CIRBP: variants seen among roughly 807,000 people sequenced by gnomAD.
CIRBP encodes the protein cold-inducible RNA-binding protein.
Under a neutral mutation model 22.3 loss-of-function variants are expected in CIRBP, and 11 were observed. That is an observed-to-expected ratio of 0.49 (90% confidence interval 0.31 to 0.82). CIRBP has a LOEUF of 0.82. CIRBP is among the 40% of genes least tolerant of loss of function. CIRBP has a pLI of 0.05. For missense variants in CIRBP, 456 were observed against 402.7 expected (o/e 1.13, Z -1.13); for synonymous variants, 216 against 158.8 (o/e 1.36, Z -2.71).
intron 1 of CIRBP, 52 bp from the exon 2 acceptor site, chr19:1,270,876 A>T: frequency 9.4e-7 from 1 of 1,063,222 alleles, no homozygotes; most frequent in Admixed American, 1.7e-5. Flanking sequence ...GGAAGCGGGG[A>T]GAGGTGGTGA....
rs2081355550 is a variant in CIRBP at position 1,272,271 on chromosome 19, A to C, written c.722A>C (p.Gln241Pro). 1.9e-6 allele frequency: 3 copies of C among 1,612,260 alleles called. No homozygotes were observed. The highest frequency in any genetic ancestry group is 1.7e-6 in the Non-Finnish European group (2 of 1,179,504). Reference protein sequence around the residue: ...KGKGERGPAGQSARCMCGRRP... With the variant: ...KGKGERGPAGPSARCMCGRRP... ...AAGGGAGAGCGAGGGCCCGCTGGGC[A>C]GTCAGCTAGGTGCATGTGTGGCCGC... is the stretch of plus-strand genomic sequence containing the variant. Residue 241 changes from glutamine (Q) to proline (P), a missense_variant, in exon 6 of 6, where the codon CAG (glutamine) becomes CCG (proline). Physicochemically the swap from Gln to Pro is moderately conservative, Grantham distance 76 (BLOSUM62 -1). Around this residue, in one of 2 missense-constraint regions of CIRBP, gnomAD observed 426 missense variants for 339.6 expected, o/e 1.25. Transcript: ENST00000587896.
In CIRBP at chr19:1,272,609, G is replaced by T; in HGVS notation, c.*166G>T. On this transcript the variant is annotated 3_prime_UTR_variant, in exon 6 of 6. Transcript: ENST00000587896. The stretch of plus-strand genomic sequence containing the variant: ...CCAGCCTGACCGCTTCTGACGCCGG[G>T]ATGGCCTCGTTACTAGACTTTTCTT... The T allele has an allele frequency of 1.6e-6, 1 of 615,444 alleles. No homozygotes were observed. Among genetic ancestry groups the T allele is most frequent in the East Asian group, 2.7e-5 (1 of 36,642 alleles). The allele number at this position is 615,444 out of a possible 1,614,324, so 38.1% of individuals were successfully genotyped here.
In CIRBP at chr19:1,272,143, A is replaced by G. The variant is rs2081352885; in HGVS notation, c.594A>G (p.Thr198=). Residue 198 remains threonine (T), a synonymous_variant, in exon 6 of 6, where the codon ACA becomes ACG. Transcript: ENST00000587896. ...CCTCTCCAAGCACTTTAGGCTGGAC[A>G]CTCAGACCTTGTCACTGTGCTTGCC... ...LVPSPSTLGW[T]LRPCHCACPE... 2 of 1,612,432 alleles carry G rather than the reference A, an allele frequency of 1.2e-6. No individual in the cohort carries two copies. Among genetic ancestry groups the G allele is most frequent in the East Asian group, 2.2e-5 (1 of 44,880 alleles).
chr19:1,271,837 AC>A, intron 5 of CIRBP, 143 bp from the exon 6 acceptor site: 1 of 782,912 alleles, frequency 1.3e-6, no homozygotes, highest in Non-Finnish European at 2.1e-6. Context: ...GAGATTTTGA[AC>A]AATTTCCAAG....
chr19:1,270,356 G>A (rs749244135), intron 1 of CIRBP: 1 of 353,522 alleles, frequency 2.8e-6, no homozygotes, highest in Non-Finnish European at 5.6e-6. Context: ...GAACCTGAGA[G>A]TGCAGTCCTG....
rs532791770 is a variant in CIRBP at position 1,271,856 on chromosome 19, C to T, written c.432-125C>T. ...TTTTGAACAATTTCCAAGATGCTGC[C>T]CTGCTGGGGTCCTTGTTGTGTCCCC... On this transcript the variant is annotated intron_variant, in intron 5 of 5. Coordinates refer to ENST00000587896, the MANE Select transcript of CIRBP (RefSeq NM_001300829.2). 7.1e-4 allele frequency: 608 copies of T among 853,870 alleles called. 1 individual carries two copies. Among genetic ancestry groups the T allele is most frequent in the Non-Finnish European group, 1.1e-3 (575 of 533,136 alleles). 52.9% of individuals were successfully genotyped at this position (853,870 alleles called of 1,614,324 possible). A position where few individuals can be genotyped will look rare whatever the true frequency, so the allele number is the denominator to read the frequency against.
chr19:1,269,829 C>A (rs771725580), intron 1 of CIRBP: 6 of 518,738 alleles, frequency 1.2e-5, no homozygotes, highest in Non-Finnish European at 1.9e-5. Flanking sequence ...GCTTACCGAG[C>A]CTTAGTTTCC....
rs945832341 is a variant in CIRBP, at chr19:1,272,159, T to C, written c.610T>C (p.Cys204Arg). ...TLGWTLRPCH[C>R]ACPEEAHLSS... is the part of the protein sequence containing the mutation. ...AGGCTGGACACTCAGACCTTGTCAC[T>C]GTGCTTGCCCAGAAGAGGCGCATCT... Residue 204 changes from cysteine (C) to arginine (R), a missense_variant, in exon 6 of 6, where the codon TGT (cysteine) becomes CGT (arginine). Around this residue, in one of 2 missense-constraint regions of CIRBP, gnomAD observed 426 missense variants for 339.6 expected, o/e 1.25. Transcript: ENST00000587896. 1 of 1,609,420 alleles carries C rather than the reference T, an allele frequency of 6.2e-7. No individual in the cohort carries two copies.
At chr19:1,270,068 C>T (rs533871434) in intron 1 of CIRBP, 1 of 519,906 alleles carries the variant, frequency 1.9e-6, no homozygotes, top group African/African-American at 1.9e-5. Context: ...ACTGACCGCC[C>T]CCTTAAATAG....
At chr19:1,271,865 G>A (rs1022732667) in intron 5 of CIRBP, 116 bp from the exon 6 acceptor site, 3 of 909,608 alleles carry the variant, frequency 3.3e-6, no homozygotes, top group Admixed American at 2.2e-5. Flanking sequence ...CCCTGCTGGG[G>A]TCCTTGTTGT....
At chr19:1,270,633 CGTG>C (rs1230941203) in intron 1 of CIRBP, among the ~76,000 whole-genome samples, 8 of 151,654 alleles carry the variant, frequency 5.3e-5, no homozygotes, top group African/African-American at 1.7e-4. Flanking sequence ...ATTATCCAGG[CGTG>C]GTGGTGTACA....
chr19:1,270,827 A>T (rs931614099), intron 1 of CIRBP, 101 bp from the exon 2 acceptor site: 22 of 822,180 alleles, frequency 2.7e-5, no homozygotes, highest in Non-Finnish European at 3.9e-5. Flanking sequence ...TGATTTTCTA[A>T]TATTTCCCCT....
At chr19:1,270,790 A>T in intron 1 of CIRBP, 138 bp from the exon 2 acceptor site, 1 of 718,960 alleles carries the variant, frequency 1.4e-6, no homozygotes. Context: ...CCTAGGTATG[A>T]GTTTGAGATA....
rs2081384169 is a variant in CIRBP, at chr19:1,274,058, T to TG, written c.*1616dup. On this transcript the variant is annotated 3_prime_UTR_variant, in exon 6 of 6. Coordinates refer to ENST00000587896, the MANE Select transcript of CIRBP (RefSeq NM_001300829.2). Reference sequence around the variant, plus strand: ...TAACTTAGCTTTCTCTGATGTCTGTTGCCGCCATTAGTTTTTTTCTAGAGC... The same window carrying TG: ...TAACTTAGCTTTCTCTGATGTCTGTTGGCCGCCATTAGTTTTTTTCTAGAGC... The TG allele has an allele frequency of 2.7e-6, 1 of 364,766 alleles. No individual in the cohort carries two copies. The highest frequency in any genetic ancestry group is 1.5e-4 in the South Asian group (1 of 6,706). The allele number at this position is 364,766 out of a possible 1,614,324, so 22.6% of individuals were successfully genotyped here.
rs973872084 is a variant in CIRBP at position 1,272,898 on chromosome 19, C to T, written c.*455C>T. 1 of 159,536 alleles carries T rather than the reference C, an allele frequency of 6.3e-6. No homozygotes were observed. The highest frequency in any genetic ancestry group is 1.4e-5 in the Non-Finnish European group (1 of 72,468). 9.9% of individuals were successfully genotyped at this position (159,536 alleles called of 1,614,324 possible). A position where few individuals can be genotyped will look rare whatever the true frequency, so the allele number is the denominator to read the frequency against. On this transcript the variant is annotated 3_prime_UTR_variant, in exon 6 of 6. Transcript: ENST00000587896. ...AGCAAGCTGTGGCTTTTTTCCAACT[C>T]CGTGTGACGTTTCTGAGTGTAGTGT...
rs1600029298 is a variant in CIRBP at position 1,272,604 on chromosome 19, G to A, written c.*161G>A. The stretch of plus-strand genomic sequence containing the variant: ...CAAACCCAGCCTGACCGCTTCTGAC[G>A]CCGGGATGGCCTCGTTACTAGACTT... On this transcript the variant is annotated 3_prime_UTR_variant, in exon 6 of 6. Transcript: ENST00000587896. 3.2e-6 allele frequency: 2 copies of A among 622,914 alleles called. No homozygotes were observed. The highest frequency in any genetic ancestry group is 1.8e-5 in the African/African-American group (1 of 54,616). 38.6% of individuals were successfully genotyped at this position (622,914 alleles called of 1,614,324 possible).
intron 1 of CIRBP, among the ~76,000 whole-genome samples, chr19:1,270,461 T>C (rs966115295): frequency 6.6e-6 from 1 of 152,028 alleles, no homozygotes; most frequent in East Asian, 1.9e-4. Flanking sequence ...ATGGAGTAAA[T>C]TATTTGAATT....
intron 1 of CIRBP, chr19:1,270,369 C>A (rs2081318820): frequency 2.9e-6 from 1 of 347,644 alleles, no homozygotes; most frequent in Admixed American, 3.8e-5. Flanking sequence ...CAGTCCTGCC[C>A]AGGGCACAAC....
chr19:1,269,483 G>C (rs1240553275), intron 1 of CIRBP, 73 bp downstream of exon 1: 1 of 150,828 alleles, frequency 6.6e-6, no homozygotes, highest in African/African-American at 2.4e-5. Flanking sequence ...GGCGAGGCGG[G>C]GCCGCAGCGG....
Sources: allele counts gnomAD v4.1 joint callset (sites outside exome capture counted in the v4.1 genomes callset), GRCh38; gene constraint gnomAD v4.1.1; regional missense constraint gnomAD v4.1.1; transcripts MANE v1.5; gene names NCBI Gene and HGNC (gene_info 2026-07-23, HGNC 2026-07-21).